PRKN: variants seen among roughly 807,000 people sequenced by gnomAD.
PRKN encodes the protein E3 ubiquitin-protein ligase parkin.
A neutral mutation model predicts 59.5 loss-of-function variants in PRKN; 56 were observed. The observed-to-expected ratio is 0.94, with a 90% CI of 0.76 to 1.18. The LOEUF (loss-of-function observed/expected upper bound fraction) is 1.18. Ranked by LOEUF, PRKN falls within the 50% of genes most tolerant of loss-of-function variation. The pLI, the probability that PRKN is intolerant of heterozygous loss-of-function variation, is 0.00. For missense variants in PRKN, 657 were observed against 596.4 expected, an observed-to-expected ratio of 1.10 and a Z score of -1.06; for synonymous variants, 250 against 222.1, an observed-to-expected ratio of 1.13 and a Z score of -1.12.
rs146727752 is a variant in PRKN at position 161,651,031 on chromosome 6, T to C, written c.872-81615A>G. Among the ~76,000 whole-genome samples the C allele has an allele frequency of 9.2e-5, 14 of 152,364 alleles. No homozygotes were observed. The East Asian group carries it at 1.7e-3, about 19-fold the overall frequency. ...AATATGCACTTTTGTTAAATTTTCA[T>C]ATGTATCATTGCTTTATCTAATAGA... On this transcript the variant is annotated intron_variant, in intron 7 of 11. Coordinates refer to ENST00000366898, the MANE Select transcript of PRKN (RefSeq NM_004562.3).
intron 6 of PRKN, among the ~76,000 whole-genome samples, chr6:161,869,390 AAAAATAAAAT>A (rs151016329): frequency 0.047 from 7,138 of 152,124 alleles, 570 homozygotes; most frequent in African/African-American, 0.16. Flanking sequence ...AATAAAAAAT[AAAAATAAAAT>A]AAAATAAAAT....
chr6:161,569,735 TG>T (rs991795523), intron 7 of PRKN, among the ~76,000 whole-genome samples: 1 of 152,178 alleles, frequency 6.6e-6, no homozygotes, highest in Non-Finnish European at 1.5e-5. Context: ...AGCATGTCAC[TG>T]GTTCCTCATA....
chr6:162,357,482 A>G (rs965466789), intron 2 of PRKN, among the ~76,000 whole-genome samples: 1 of 152,212 alleles, frequency 6.6e-6, no homozygotes, highest in Non-Finnish European at 1.5e-5. Context: ...CAGAACACTG[A>G]AAACAGCCAA....
At chr6:162,608,339 C>T (rs1227505706) in intron 1 of PRKN, among the ~76,000 whole-genome samples, 1 of 151,960 alleles carries the variant, frequency 6.6e-6, no homozygotes, top group Non-Finnish European at 1.5e-5. Context: ...GTGAATATAC[C>T]GACAAAGTCA....
intron 9 of PRKN, among the ~76,000 whole-genome samples, chr6:161,542,545 C>T (rs113541038): frequency 2.0e-5 from 3 of 152,302 alleles, no homozygotes; most frequent in African/African-American, 7.2e-5. Context: ...GAAAGTCTAG[C>T]GAGGCTTATT....
chr6:161,916,109 T>C (rs954520837), intron 6 of PRKN, among the ~76,000 whole-genome samples: 1 of 152,184 alleles, frequency 6.6e-6, no homozygotes, highest in Non-Finnish European at 1.5e-5. Flanking sequence ...GTCCACCAAA[T>C]AGCACAACAG....
chr6:162,131,935 C>A (rs1413870578), intron 4 of PRKN, among the ~76,000 whole-genome samples: 2 of 152,152 alleles, frequency 1.3e-5, no homozygotes, highest in Admixed American at 6.6e-5. Flanking sequence ...AAGGACATCA[C>A]GGGCTGGGCA....
intron 4 of PRKN, among the ~76,000 whole-genome samples, chr6:162,144,038 C>T (rs1040329204): frequency 6.6e-6 from 1 of 152,138 alleles, no homozygotes; most frequent in Non-Finnish European, 1.5e-5. Context: ...ACATATTCTT[C>T]TCCATGTAAT....
intron 6 of PRKN, among the ~76,000 whole-genome samples, chr6:161,920,102 G>A (rs888749368): frequency 2.0e-5 from 3 of 152,312 alleles, no homozygotes; most frequent in Middle Eastern, 3.4e-3. Flanking sequence ...CCATAACACC[G>A]GCTGGGCGTG....
intron 3 of PRKN, among the ~76,000 whole-genome samples, chr6:162,225,106 T>C (rs1468573070): frequency 1.3e-5 from 2 of 152,162 alleles, no homozygotes; most frequent in Non-Finnish European, 2.9e-5. Flanking sequence ...CATCATAACA[T>C]GGTAGACAGC....
chr6:162,258,632 G>C (rs536909452), intron 3 of PRKN, among the ~76,000 whole-genome samples: 1 of 152,310 alleles, frequency 6.6e-6, no homozygotes, highest in East Asian at 1.9e-4. Flanking sequence ...CGCGGTGTTA[G>C]CATCACCTGG....
At chr6:162,025,867 A>C (rs2851395) in intron 5 of PRKN, among the ~76,000 whole-genome samples, 124,717 of 151,912 alleles carry the variant, frequency 0.82, 51,841 homozygotes, top group African/African-American at 0.96. Flanking sequence ...GAGATTACAG[A>C]CATGAGGCAC....
chr6:161,813,830 T>A (rs1791658723), intron 6 of PRKN, among the ~76,000 whole-genome samples: 1 of 152,206 alleles, frequency 6.6e-6, no homozygotes, highest in African/African-American at 2.4e-5. Flanking sequence ...CACTTACTTC[T>A]GAAAGACTGG....
chr6:162,049,377 G>T (rs909937843), intron 5 of PRKN, among the ~76,000 whole-genome samples: 1 of 152,038 alleles, frequency 6.6e-6, no homozygotes, highest in Non-Finnish European at 1.5e-5. Flanking sequence ...TAGCTGCATT[G>T]TGAAAATGCA....
intron 6 of PRKN, among the ~76,000 whole-genome samples, chr6:161,813,785 C>T (rs1367347938): frequency 6.6e-6 from 1 of 152,198 alleles, no homozygotes; most frequent in Admixed American, 6.5e-5. Flanking sequence ...TCCTCTCCTC[C>T]ATGCCTCCTG....
intron 1 of PRKN, among the ~76,000 whole-genome samples, chr6:162,503,661 G>C (rs1292021105): frequency 6.6e-6 from 1 of 152,092 alleles, no homozygotes; most frequent in African/African-American, 2.4e-5. Context: ...TTTAACCTTT[G>C]GTCAACAGAG....
chr6:161,500,283 T>C (rs1777911067), intron 9 of PRKN, among the ~76,000 whole-genome samples: 1 of 152,146 alleles, frequency 6.6e-6, no homozygotes, highest in Non-Finnish European at 1.5e-5. Flanking sequence ...GGTACATTTG[T>C]TATAAATGCA....
At chr6:162,068,058 G>A (rs988840518) in intron 4 of PRKN, among the ~76,000 whole-genome samples, 1 of 152,136 alleles carries the variant, frequency 6.6e-6, no homozygotes, top group Non-Finnish European at 1.5e-5. Flanking sequence ...CCTATCTGGT[G>A]GGTAGGAAAT....
At chr6:162,596,964 G>A (rs999047737) in intron 1 of PRKN, among the ~76,000 whole-genome samples, 15 of 152,112 alleles carry the variant, frequency 9.9e-5, no homozygotes, top group Non-Finnish European at 2.1e-4. Flanking sequence ...CTAGTTCCGG[G>A]TTTCAGACAC....
Sources: gnomAD v4.1 joint callset for allele counts (sites outside exome capture counted in the v4.1 genomes callset) on GRCh38, gnomAD v4.1.1 for gene constraint, MANE v1.5 for transcripts, NCBI Gene and HGNC (gene_info 2026-07-23, HGNC 2026-07-21) for gene names.